Variants in ARHGAP17 observed in about 807,000 individuals in gnomAD.
ARHGAP17 encodes Rho GTPase activating protein 17.
A neutral mutation model predicts 99.5 loss-of-function variants in ARHGAP17; 57 were observed. The ratio of observed to expected loss-of-function variants is 0.57; its 90% CI spans 0.46 to 0.71. The LOEUF (loss-of-function observed/expected upper bound fraction) is 0.71, where lower values mean the gene tolerates loss of function less well. Ranked by LOEUF, ARHGAP17 falls within the 30% of genes least tolerant of loss-of-function variation. The probability of loss-of-function intolerance (pLI) is 0.00; values close to 1 mark genes in which losing one functional copy is unlikely to be tolerated. For synonymous variants in ARHGAP17, 417 were observed against 429.6 expected (o/e 0.97, Z 0.36); for missense variants, 1,000 against 1,122.4 (o/e 0.89, Z 1.56).
intron 7 of ARHGAP17, among the ~76,000 whole-genome samples, chr16:24,961,991 G>A (rs1358119432): frequency 7.3e-6 from 1 of 137,374 alleles, no homozygotes; most frequent in African/African-American, 2.9e-5. Flanking sequence ...TTAATGTAAT[G>A]ACTTCTGTTT....
At chr16:24,943,487 C>T (rs1228105539) in intron 15 of ARHGAP17, among the ~76,000 whole-genome samples, 1 of 152,184 alleles carries the variant, frequency 6.6e-6, no homozygotes, top group East Asian at 1.9e-4. Context: ...GGCCGGAGTT[C>T]CCCCAGGTAA....
intron 7 of ARHGAP17, among the ~76,000 whole-genome samples, chr16:24,960,531 A>G (rs2051958117): frequency 6.7e-6 from 1 of 150,284 alleles, no homozygotes; most frequent in African/African-American, 2.5e-5. Flanking sequence ...TGGCCGATAG[A>G]GTGAGACTCT....
chr16:24,944,623 T>G (rs1280246758), intron 14 of ARHGAP17, among the ~76,000 whole-genome samples: 1 of 152,230 alleles, frequency 6.6e-6, no homozygotes, highest in East Asian at 1.9e-4. Flanking sequence ...ATTTTTTTAT[T>G]TTTTATTTTT....
chr16:24,962,428 G>C (rs1013545324), intron 7 of ARHGAP17, among the ~76,000 whole-genome samples: 1 of 152,222 alleles, frequency 6.6e-6, no homozygotes, highest in African/African-American at 2.4e-5. Flanking sequence ...GTCTGTTTTG[G>C]AATGGGCTTT....
In ARHGAP17 at chr16:24,935,524, A is replaced by T. The variant is rs750959005; in HGVS notation, c.1840T>A (p.Ser614Thr). The T allele has an allele frequency of 2.5e-6, 4 of 1,613,158 alleles. No homozygotes were observed. The highest frequency in any genetic ancestry group is 3.4e-6 in the Non-Finnish European group (4 of 1,179,718). ...GCAGCATTGTGAGGTTGGCCCATGG[A>T]GAGCTGGTGGGAGCCAGCAGCTGCC... ...PQAAAGSHQLSMGQPHNAAGP... is the reference protein window; with the variant it reads ...PQAAAGSHQLTMGQPHNAAGP... Residue 614 changes from serine (S) to threonine (T), a missense_variant, in exon 18 of 20, where the codon TCC becomes ACC. Transcript: ENST00000289968.
intron 17 of ARHGAP17, among the ~76,000 whole-genome samples, chr16:24,938,729 GCCACTGCACT>G (rs1567215203): frequency 6.9e-6 from 1 of 145,166 alleles, no homozygotes; most frequent in Non-Finnish European, 1.5e-5. Flanking sequence ...CTACGATTAT[GCCACTGCACT>G]CCAGCCTGGG....
intron 18 of ARHGAP17, among the ~76,000 whole-genome samples, chr16:24,932,364 A>T (rs1031028619): frequency 6.6e-6 from 1 of 152,240 alleles, no homozygotes; most frequent in Non-Finnish European, 1.5e-5. Flanking sequence ...TGAAAGTTCA[A>T]TAAGAAGAAA....
At chr16:24,967,350 G>A (rs2052218157) in intron 6 of ARHGAP17, among the ~76,000 whole-genome samples, 1 of 152,196 alleles carries the variant, frequency 6.6e-6, no homozygotes, top group Admixed American at 6.5e-5. Context: ...GTTACAACAG[G>A]GAGCAACTGG....
rs868612360 is a variant in ARHGAP17 at position 24,982,823 on chromosome 16, G to A, written c.54-3818C>T. On this transcript the variant is annotated intron_variant, in intron 1 of 19. Coordinates refer to ENST00000289968, the MANE Select transcript of ARHGAP17 (RefSeq NM_001006634.3). ...CCACAGAAATGTGCTGGTTTTTTCTGAGAAGTGTTATCTTTGGTTGAGTTT... is the reference window on the plus strand; with the variant it reads ...CCACAGAAATGTGCTGGTTTTTTCTAAGAAGTGTTATCTTTGGTTGAGTTT... 7.8e-5 allele frequency among the ~76,000 whole-genome samples: 11 copies of A among 140,812 alleles called. No homozygotes were observed. The Middle Eastern group carries it at 0.014, about 179-fold the overall frequency. 92.4% of individuals were successfully genotyped at this position (140,812 alleles called of 152,430 possible).
chr16:24,964,151 C>T (rs372124870), intron 7 of ARHGAP17, 46 bp downstream of exon 7: 11 of 1,313,294 alleles, frequency 8.4e-6, no homozygotes, highest in Non-Finnish European at 1.0e-5. Flanking sequence ...TTTCATCCCT[C>T]ATTTGCAAAA....
At chr16:24,989,850 G>A (rs1408999304) in intron 1 of ARHGAP17, among the ~76,000 whole-genome samples, 1 of 152,194 alleles carries the variant, frequency 6.6e-6, no homozygotes, top group African/African-American at 2.4e-5. Flanking sequence ...GGTTATTAGA[G>A]GCTGGGAAGC....
chr16:24,970,631 T>A, intron 3 of ARHGAP17, 51 bp from the exon 4 acceptor site: 1 of 1,493,626 alleles, frequency 6.7e-7, no homozygotes, highest in Non-Finnish European at 9.3e-7. Context: ...ATACCCATTC[T>A]CAATGATCTT....
chr16:24,998,654 A>G (rs992889275), intron 1 of ARHGAP17, among the ~76,000 whole-genome samples: 4 of 152,240 alleles, frequency 2.6e-5, no homozygotes, highest in Non-Finnish European at 5.9e-5. Flanking sequence ...GCATTCATTC[A>G]GCCCAGCTGA....
intron 1 of ARHGAP17, among the ~76,000 whole-genome samples, chr16:24,988,072 A>G (rs1250977982): frequency 6.6e-6 from 1 of 152,224 alleles, no homozygotes; most frequent in African/African-American, 2.4e-5. Context: ...AGTGTTTACA[A>G]AATCCACCTG....
rs1183132164 is a variant in ARHGAP17 at position 24,983,027 on chromosome 16, C to T, written c.54-4022G>A. 2.7e-5 allele frequency among the ~76,000 whole-genome samples: 2 copies of T among 75,354 alleles called. 1 individual carries two copies. The highest frequency in any genetic ancestry group is 1.5e-4 in the African/African-American group (2 of 13,298). 49.4% of individuals were successfully genotyped at this position (75,354 alleles called of 152,430 possible). A position where few individuals can be genotyped will look rare whatever the true frequency, so the allele number is the denominator to read the frequency against. On this transcript the variant is annotated intron_variant, in intron 1 of 19. Transcript: ENST00000289968. ...TTTTTTTTTTTTTTTTTTTTTGAGA[C>T]AGGGTCTCGTTCTGTCACCCAGGCT...
chr16:25,014,265 T>C (rs1425083256), intron 1 of ARHGAP17, among the ~76,000 whole-genome samples: 3 of 152,204 alleles, frequency 2.0e-5, no homozygotes, highest in Admixed American at 6.5e-5. Flanking sequence ...TTCGTATCTC[T>C]TTGCTGAATA....
At chr16:24,960,448 G>A (rs1304547489) in intron 7 of ARHGAP17, among the ~76,000 whole-genome samples, 2 of 152,186 alleles carry the variant, frequency 1.3e-5, no homozygotes, top group African/African-American at 4.8e-5. Flanking sequence ...GGGAGGCTGA[G>A]GCAGGAGAAT....
rs756991291 is a variant in ARHGAP17, at chr16:24,931,314, T to C, written c.1985A>G (p.His662Arg). Residue 662 changes from histidine to arginine, a missense_variant, in exon 19 of 20, where the codon CAT becomes CGT. Physicochemically the swap from His to Arg is conservative, Grantham distance 29. Around this residue, in one of 2 missense-constraint regions of ARHGAP17, gnomAD observed 528 missense variants for 511.4 expected, o/e 1.03. Coordinates refer to ENST00000289968, the MANE Select transcript of ARHGAP17 (RefSeq NM_001006634.3). ...GGQSSSGTSQ[H>R]PPSLSPKPPT... is the part of the protein sequence containing the mutation. ...TGGCTTTGGTGACAGACTGGGTGGATGCTGAGATGTTCCTGAAGAACTCTG... is the reference window on the plus strand; with the variant it reads ...TGGCTTTGGTGACAGACTGGGTGGACGCTGAGATGTTCCTGAAGAACTCTG... 5 of 1,522,334 alleles carry C rather than the reference T, an allele frequency of 3.3e-6. No individual in the cohort carries two copies. The highest frequency in any genetic ancestry group is 2.2e-5 in the Admixed American group (1 of 45,132). The allele number at this position is 1,522,334 out of a possible 1,614,324, so 94.3% of individuals were successfully genotyped here.
At chr16:24,982,980 ATATATATATATATATATTTTTTTT>A (rs2052726742) in intron 1 of ARHGAP17, among the ~76,000 whole-genome samples, 1 of 16,874 alleles carries the variant, frequency 5.9e-5, no homozygotes, top group Admixed American at 1.0e-3. Flanking sequence ...ATATATATAT[ATATATATATATATATATTTTTTTT>A]TTTTTTTTTT....
Sources: gnomAD v4.1 joint callset for allele counts (sites outside exome capture counted in the v4.1 genomes callset) on GRCh38, gnomAD v4.1.1 for gene constraint, gnomAD v4.1.1 regional missense constraint, MANE v1.5 for transcripts, NCBI Gene and HGNC (gene_info 2026-07-23, HGNC 2026-07-21) for gene names.